The following CRIM1 variants were observed in gnomAD, a reference collection of about 807,000 sequenced individuals.
CRIM1 encodes cysteine-rich motor neuron 1 protein.
CRIM1 carries 32 observed loss-of-function variants against 116.4 expected under a neutral mutation model. The observed-to-expected ratio is 0.27, with a 90% CI of 0.21 to 0.37. CRIM1 has a LOEUF of 0.37. CRIM1 is among the 10% of genes least tolerant of loss of function. The probability of loss-of-function intolerance (pLI) is 1.00; values close to 1 mark genes in which losing one functional copy is unlikely to be tolerated. For missense variants in CRIM1, 1,331 were observed against 1,354.8 expected (o/e 0.98, Z 0.28); for synonymous variants, 590 against 509.2 (o/e 1.16, Z -2.13).
At chr2:36,547,257 T>A in intron 16 of CRIM1, 86 bp downstream of exon 16, 1 of 1,131,790 alleles carries the variant, frequency 8.8e-7, no homozygotes, top group Non-Finnish European at 1.3e-6. Context: ...CCTTGTGTCT[T>A]AACCAGTGAA....
At chr2:36,426,157 G>A (rs923610704) in intron 2 of CRIM1, among the ~76,000 whole-genome samples, 4 of 152,198 alleles carry the variant, frequency 2.6e-5, no homozygotes, top group African/African-American at 9.7e-5. Flanking sequence ...CCGGCATGCT[G>A]TATTTGGCAA....
intron 13 of CRIM1, among the ~76,000 whole-genome samples, chr2:36,530,812 T>C (rs1236022087): frequency 6.6e-6 from 1 of 152,136 alleles, no homozygotes; most frequent in East Asian, 1.9e-4. Context: ...AACTGTAATA[T>C]CATGTTATTA....
chr2:36,420,075 G>A (rs1673933195), intron 2 of CRIM1, among the ~76,000 whole-genome samples: 1 of 152,108 alleles, frequency 6.6e-6, no homozygotes, highest in African/African-American at 2.4e-5. Flanking sequence ...CTTAACTCAG[G>A]TGTATTTATT....
intron 2 of CRIM1, among the ~76,000 whole-genome samples, chr2:36,420,677 A>AT (rs1673987144): frequency 6.6e-6 from 1 of 152,170 alleles, no homozygotes; most frequent in South Asian, 2.1e-4. Flanking sequence ...TTGCAGGATA[A>AT]TTAAGAGTTT....
intron 2 of CRIM1, among the ~76,000 whole-genome samples, chr2:36,413,865 A>G (rs754956831): frequency 6.6e-6 from 1 of 152,180 alleles, no homozygotes; most frequent in Non-Finnish European, 1.5e-5. Context: ...AGCCCTATTC[A>G]TATGTCAACC....
At chr2:36,367,303 A>G (rs1189776994) in intron 1 of CRIM1, among the ~76,000 whole-genome samples, 1 of 152,182 alleles carries the variant, frequency 6.6e-6, no homozygotes, top group African/African-American at 2.4e-5. Flanking sequence ...CTGTGACTGT[A>G]TTTGTGTATA....
chr2:36,532,662 C>A (rs778619713), intron 13 of CRIM1, among the ~76,000 whole-genome samples: 101 of 152,292 alleles, frequency 6.6e-4, no homozygotes, highest in Non-Finnish European at 4.6e-4. Flanking sequence ...TCCGGCTTGG[C>A]ACACAACAGA....
chr2:36,366,198 A>T (rs1431943986), intron 1 of CRIM1, among the ~76,000 whole-genome samples: 2 of 152,192 alleles, frequency 1.3e-5, no homozygotes, highest in African/African-American at 4.8e-5. Context: ...AGTGGTTTAC[A>T]ACTTTTTTTT....
intron 2 of CRIM1, among the ~76,000 whole-genome samples, chr2:36,414,800 G>A (rs751773563): frequency 1.3e-5 from 2 of 152,194 alleles, no homozygotes; most frequent in Admixed American, 6.5e-5. Context: ...GTTGGGGAGA[G>A]TGGCAGAAGA....
chr2:36,406,650 A>G (rs1672827832), intron 2 of CRIM1, among the ~76,000 whole-genome samples: 1 of 143,536 alleles, frequency 7.0e-6, no homozygotes, highest in South Asian at 2.5e-4. Flanking sequence ...AAACAAAAAA[A>G]GATAACCTCT....
At chr2:36,513,308 G>A (rs1572902514) in intron 10 of CRIM1, 2 of 494,224 alleles carry the variant, frequency 4.0e-6, no homozygotes, top group African/African-American at 3.8e-5. Flanking sequence ...ACAGTGGAAG[G>A]AATAAAAAAT....
At chr2:36,542,798 C>T (rs1032945357) in intron 14 of CRIM1, among the ~76,000 whole-genome samples, 2 of 152,182 alleles carry the variant, frequency 1.3e-5, no homozygotes, top group African/African-American at 2.4e-5. Flanking sequence ...TCATACCACA[C>T]ATGAGAGTTT....
At chr2:36,547,942 C>T (rs915114698) in intron 16 of CRIM1, among the ~76,000 whole-genome samples, 1 of 152,116 alleles carries the variant, frequency 6.6e-6, no homozygotes, top group African/African-American at 2.4e-5. Context: ...ATGTAATTTA[C>T]CATCTGGTTA....
At chr2:36,450,451 T>C (rs1005869235) in intron 4 of CRIM1, among the ~76,000 whole-genome samples, 3 of 152,246 alleles carry the variant, frequency 2.0e-5, no homozygotes, top group African/African-American at 7.2e-5. Context: ...CAGAATAATA[T>C]TCATGGACAA....
At chr2:36,389,759 A>T (rs1671434829) in intron 1 of CRIM1, among the ~76,000 whole-genome samples, 1 of 152,160 alleles carries the variant, frequency 6.6e-6, no homozygotes, top group Non-Finnish European at 1.5e-5. Flanking sequence ...GTGCACTCAT[A>T]CCTGAAATGT....
intron 1 of CRIM1, among the ~76,000 whole-genome samples, chr2:36,380,140 A>G (rs575517091): frequency 2.4e-4 from 36 of 152,234 alleles, no homozygotes; most frequent in Non-Finnish European, 4.7e-4. Flanking sequence ...CTTCCCTGCA[A>G]GAGTCTGCGT....
intron 7 of CRIM1, among the ~76,000 whole-genome samples, chr2:36,488,402 C>T (rs1558360687): frequency 6.6e-6 from 1 of 152,216 alleles, no homozygotes; most frequent in Non-Finnish European, 1.5e-5. Context: ...GCCCCAAATA[C>T]TCCCCTGCAT....
Position 36,512,363 on chromosome 2 carries a change from C to A in CRIM1, c.1749C>A (p.Asp583Glu), listed in dbSNP as rs766362317. The change falls in exon 10 of 17, where the codon GAC (aspartate) becomes GAA (glutamate). Residue 583 changes from aspartate (D) to glutamate (E), a missense_variant. Physicochemically the swap from Asp to Glu is conservative, Grantham distance 45. This residue lies in a region of CRIM1 where 358 missense variants were observed against 436.1 expected (regional missense o/e 0.82). Transcript: ENST00000280527. ...SKICPLGFQQ[D>E]SHGCLICKCR... ...TCTGCCCCTTGGGTTTCCAGCAGGACAGTCACGGCTGTCTTATCTGCAAGT... is the reference window on the plus strand; with the variant it reads ...TCTGCCCCTTGGGTTTCCAGCAGGAAAGTCACGGCTGTCTTATCTGCAAGT... The A allele has an allele frequency of 6.2e-7, 1 of 1,613,646 alleles. No homozygotes were observed. The highest frequency in any genetic ancestry group is 8.5e-7 in the Non-Finnish European group (1 of 1,179,600).
chr2:36,366,760 A>C (rs1669629653), intron 1 of CRIM1, among the ~76,000 whole-genome samples: 1 of 152,200 alleles, frequency 6.6e-6, no homozygotes. Flanking sequence ...AAAACGTTTC[A>C]CAGCTGTGAT....
Sources: gnomAD v4.1 joint callset for allele counts (sites outside exome capture counted in the v4.1 genomes callset) on GRCh38, gnomAD v4.1.1 for gene constraint, gnomAD v4.1.1 regional missense constraint, MANE v1.5 for transcripts, NCBI Gene and HGNC (gene_info 2026-07-23, HGNC 2026-07-21) for gene names.